PRKAG2: variants seen among roughly 807,000 people sequenced by gnomAD.
PRKAG2 encodes the protein 5'-AMP-activated protein kinase subunit gamma-2.
A neutral mutation model predicts 69.6 loss-of-function variants in PRKAG2; 26 were observed. That is an observed-to-expected ratio of 0.37 (90% CI 0.27 to 0.52). PRKAG2 has a LOEUF of 0.52. Among genes scored for constraint, PRKAG2 ranks in the 20% least tolerant of loss-of-function variants. The pLI is 0.90. For synonymous variants in PRKAG2, 293 were observed against 285.0 expected, an observed-to-expected ratio of 1.03 and a Z score of -0.28; for missense variants, 557 against 740.0, an observed-to-expected ratio of 0.75 and a Z score of 2.87.
chr7:151,726,568 C>A (rs530100005), intron 3 of PRKAG2, among the ~76,000 whole-genome samples: 2 of 152,136 alleles, frequency 1.3e-5, no homozygotes, highest in Non-Finnish European at 2.9e-5. Context: ...CCATTAACAA[C>A]TGGACGGACG....
rs61752000 is a variant in PRKAG2 at position 151,595,399 on chromosome 7, A to G, written c.810T>C (p.Cys270=). The change falls in exon 6 of 16, where the codon TGT becomes TGC. Residue 270 remains cysteine, a synonymous_variant. Coordinates refer to ENST00000287878, the MANE Select transcript of PRKAG2 (RefSeq NM_016203.4). ...VYMRFMRSHK[C]YDIVPTSSKL... ...TTGAACTGGTTGGAACGATGTCATAACACTTGTGTGACCTCATGAATCGCA... is the reference window on the plus strand; with the variant it reads ...TTGAACTGGTTGGAACGATGTCATAGCACTTGTGTGACCTCATGAATCGCA... 6.3e-5 allele frequency: 102 copies of G among 1,614,132 alleles called. No individual in the cohort carries two copies. The South Asian group carries it at 9.9e-4, about 16-fold the overall frequency.
chr7:151,819,306 A>C (rs1358154143), intron 1 of PRKAG2, among the ~76,000 whole-genome samples: 3 of 152,264 alleles, frequency 2.0e-5, no homozygotes, highest in Non-Finnish European at 4.4e-5. Flanking sequence ...CTGAGCTACA[A>C]GAACAGGTTG....
intron 3 of PRKAG2, among the ~76,000 whole-genome samples, chr7:151,738,912 T>C (rs565487833): frequency 6.6e-6 from 1 of 152,200 alleles, no homozygotes; most frequent in Non-Finnish European, 1.5e-5. Flanking sequence ...GAGATAAAGA[T>C]GGCTCCAGGC....
At chr7:151,820,812 C>T (rs142739704) in intron 1 of PRKAG2, among the ~76,000 whole-genome samples, 2,456 of 152,310 alleles carry the variant, frequency 0.016, 53 homozygotes, top group South Asian at 0.046. Context: ...TTTCCTCTTC[C>T]ATTTTTTAAA....
chr7:151,574,316 A>G (rs1352958220), intron 8 of PRKAG2, among the ~76,000 whole-genome samples: 3 of 152,232 alleles, frequency 2.0e-5, no homozygotes, highest in Non-Finnish European at 4.4e-5. Context: ...ACAAAGTTAG[A>G]TGAAGGACAA....
rs777165701 is a variant in PRKAG2 at position 151,632,091 on chromosome 7, C to T, written c.732G>A (p.Glu244=). 1 of 1,417,608 alleles carries T rather than the reference C, an allele frequency of 7.1e-7. No individual in the cohort carries two copies. Among genetic ancestry groups the T allele is most frequent in the Non-Finnish European group, 9.3e-7 (1 of 1,071,718 alleles). The allele number at this position is 1,417,608 out of a possible 1,614,324, so 87.8% of individuals were successfully genotyped here. A position where few individuals can be genotyped will look rare whatever the true frequency, so the allele number is the denominator to read the frequency against. ...CACCTTCGTCCTCGAACTCCAGCTT[C>T]TCCAGCATGCCGGCTTCCGCGGGTC... ...ALGPAEAGML[E]KLEFEDEAVE... The change falls in exon 5 of 16, where the codon GAG becomes GAA. Residue 244 remains glutamate, a synonymous_variant. Transcript: ENST00000287878. This position sits in a 1 kb window ranked among gnomAD's most constrained non-coding sequence, Gnocchi z 4.2.
intron 1 of PRKAG2, among the ~76,000 whole-genome samples, chr7:151,847,189 T>G (rs1426318533): frequency 6.6e-6 from 1 of 152,196 alleles, no homozygotes; most frequent in Non-Finnish European, 1.5e-5. Context: ...TGATGTCTAG[T>G]GTTATTCTGG....
intron 3 of PRKAG2, among the ~76,000 whole-genome samples, chr7:151,740,126 A>G (rs898682856): frequency 2.0e-5 from 3 of 152,194 alleles, no homozygotes; most frequent in Non-Finnish European, 4.4e-5. Flanking sequence ...CGGTCCCTCC[A>G]GCTGCCCCTG....
chr7:151,572,967 G>C (rs187639592), intron 8 of PRKAG2, among the ~76,000 whole-genome samples: 5 of 152,072 alleles, frequency 3.3e-5, no homozygotes, highest in African/African-American at 1.2e-4. Flanking sequence ...ACAAAAATTA[G>C]CCAGGCATAT....
At chr7:151,802,070 G>A (rs1403254252) in intron 1 of PRKAG2, among the ~76,000 whole-genome samples, 1 of 152,140 alleles carries the variant, frequency 6.6e-6, no homozygotes, top group Non-Finnish European at 1.5e-5. Flanking sequence ...CCCTGAGTGT[G>A]GCCTCTGCGT....
At chr7:151,765,019 G>C (rs1266666987) in intron 3 of PRKAG2, among the ~76,000 whole-genome samples, 2 of 152,220 alleles carry the variant, frequency 1.3e-5, no homozygotes, top group Admixed American at 6.5e-5. Flanking sequence ...TGGCCAGGGG[G>C]GCTTAAGCAA....
At chr7:151,598,968 C>A (rs1019482537) in intron 5 of PRKAG2, among the ~76,000 whole-genome samples, 2 of 152,042 alleles carry the variant, frequency 1.3e-5, no homozygotes, top group Admixed American at 6.5e-5. Flanking sequence ...TCTCCTGCCT[C>A]AGCCTCCCGA....
chr7:151,859,752 T>C (rs1162628336), intron 1 of PRKAG2, among the ~76,000 whole-genome samples: 1 of 152,228 alleles, frequency 6.6e-6, no homozygotes, highest in African/African-American at 2.4e-5. Context: ...GCCATCCTCT[T>C]GTCCCAGTGA....
Position 151,777,574 on chromosome 7 carries a change from C to G in PRKAG2, c.466+3578G>C, listed in dbSNP as rs546989423. On this transcript the variant is annotated intron_variant, in intron 3 of 15. Coordinates refer to ENST00000287878, the MANE Select transcript of PRKAG2 (RefSeq NM_016203.4). The surrounding 1 kb of genome is among the most constrained non-coding windows in gnomAD (Gnocchi z 4.3). ...AGCTCTGCATACCCCGGCTTTCCTT[C>G]GCCTTCCTCCATGAGTGGAAGCAGC... is the stretch of plus-strand genomic sequence containing the variant. Among the ~76,000 whole-genome samples, 1 of 152,140 alleles carries G rather than the reference C, an allele frequency of 6.6e-6. No individual in the cohort carries two copies.
In PRKAG2 at chr7:151,583,367, T is replaced by C. The variant is rs1294320963; in HGVS notation, c.865-6915A>G. On this transcript the variant is annotated intron_variant, in intron 6 of 15. Coordinates refer to ENST00000287878, the MANE Select transcript of PRKAG2 (RefSeq NM_016203.4). The surrounding 1 kb of genome is among the most constrained non-coding windows in gnomAD (Gnocchi z 4.1). ...CGCAGGTCACTGAGGAAGTCTCAAT[T>C]CCATCCTTCAGAGATCTCATATAAT... Among the ~76,000 whole-genome samples, 1 of 152,132 alleles carries C rather than the reference T, an allele frequency of 6.6e-6. No individual in the cohort carries two copies. Among genetic ancestry groups the C allele is most frequent in the Non-Finnish European group, 1.5e-5 (1 of 68,028 alleles).
At chr7:151,615,515 G>A (rs1039797914) in intron 5 of PRKAG2, among the ~76,000 whole-genome samples, 2 of 152,162 alleles carry the variant, frequency 1.3e-5, no homozygotes, top group East Asian at 1.9e-4. Context: ...CACAGATTTC[G>A]TGATGAAGAT....
chr7:151,866,034 AAG>A (rs2080068824), intron 1 of PRKAG2, among the ~76,000 whole-genome samples: 1 of 151,792 alleles, frequency 6.6e-6, no homozygotes, highest in Non-Finnish European at 1.5e-5. Flanking sequence ...AAAAAAAAAA[AAG>A]AAAAAGAAAA....
At chr7:151,732,697 GTGGTTTTT>G in intron 3 of PRKAG2, among the ~76,000 whole-genome samples, 1 of 152,092 alleles carries the variant, frequency 6.6e-6, no homozygotes, top group African/African-American at 2.4e-5. Context: ...GGCACCCAGA[GTGGTTTTT>G]CTTTGAGACG....
At chr7:151,795,100 G>A (rs1272227132) in intron 1 of PRKAG2, among the ~76,000 whole-genome samples, 1 of 152,224 alleles carries the variant, frequency 6.6e-6, no homozygotes, top group Non-Finnish European at 1.5e-5. Context: ...GCCAGGTTGA[G>A]TCCAGCCTCT....
Sources: gnomAD v4.1 joint callset for allele counts (sites outside exome capture counted in the v4.1 genomes callset) on GRCh38, gnomAD v4.1.1 for gene constraint, Gnocchi (gnomAD v3.1) non-coding constraint, MANE v1.5 for transcripts, NCBI Gene and HGNC (gene_info 2026-07-23, HGNC 2026-07-21) for gene names.